ZNHIT6: variants seen among roughly 807,000 people sequenced by gnomAD.
ZNHIT6 encodes the protein box C/D snoRNA protein 1.
ZNHIT6 carries 45 observed loss-of-function variants against 57.2 expected under a neutral mutation model. That is an observed-to-expected ratio of 0.79 (90% confidence interval 0.62 to 1.01). The LOEUF (loss-of-function observed/expected upper bound fraction) is 1.01. ZNHIT6 is among the 50% of genes least tolerant of loss of function. ZNHIT6 has a pLI of 0.00. For missense variants in ZNHIT6, 528 were observed against 567.3 expected (o/e 0.93, Z 0.70); for synonymous variants, 188 against 190.0 (o/e 0.99, Z 0.09).
At chr1:85,677,134 C>A in intron 8 of ZNHIT6, 102 bp downstream of exon 8, 1 of 789,126 alleles carries the variant, frequency 1.3e-6, no homozygotes, top group South Asian at 2.6e-5. Context: ...AAGTCATGTT[C>A]ATAGCTAGAT....
Position 85,708,374 on chromosome 1 carries a change from C to G in ZNHIT6, c.-90G>C. Reference sequence around the variant, plus strand: ...GAGGAATTACCGGTCGGAATACCTACGGCGGCCCACGTGTGGAGCCAAGCA... The same window carrying G: ...GAGGAATTACCGGTCGGAATACCTAGGGCGGCCCACGTGTGGAGCCAAGCA... On this transcript the variant is annotated 5_prime_UTR_variant, in exon 1 of 10. Transcript: ENST00000370574. The G allele has an allele frequency of 6.8e-7, 1 of 1,475,008 alleles. No individual in the cohort carries two copies. Among genetic ancestry groups the G allele is most frequent in the Non-Finnish European group, 9.0e-7 (1 of 1,109,642 alleles). The allele number at this position is 1,475,008 out of a possible 1,614,324, so 91.4% of individuals were successfully genotyped here.
intron 8 of ZNHIT6, among the ~76,000 whole-genome samples, chr1:85,673,423 A>G (rs1334981374): frequency 6.6e-6 from 1 of 152,216 alleles, no homozygotes; most frequent in Non-Finnish European, 1.5e-5. Context: ...TGGCAAAGCT[A>G]AAACCTGGAA....
At chr1:85,704,625 G>A (rs1463560163) in intron 4 of ZNHIT6, among the ~76,000 whole-genome samples, 1 of 151,914 alleles carries the variant, frequency 6.6e-6, no homozygotes, top group Non-Finnish European at 1.5e-5. Flanking sequence ...AAAAAAAATT[G>A]TAAAGTAATT....
At chr1:85,666,637 G>A (rs1248219825) in intron 8 of ZNHIT6, among the ~76,000 whole-genome samples, 1 of 151,980 alleles carries the variant, frequency 6.6e-6, no homozygotes, top group East Asian at 1.9e-4. Flanking sequence ...CCAACTAGCT[G>A]AGCTTCAGCT....
At chr1:85,674,493 C>A (rs1444236784) in intron 8 of ZNHIT6, among the ~76,000 whole-genome samples, 2 of 152,112 alleles carry the variant, frequency 1.3e-5, no homozygotes, top group African/African-American at 4.8e-5. Flanking sequence ...GTCAACACCA[C>A]TTACTTTTTA....
intron 8 of ZNHIT6, among the ~76,000 whole-genome samples, chr1:85,661,407 C>T (rs532079645): frequency 4.7e-4 from 72 of 152,274 alleles, no homozygotes; most frequent in Admixed American, 1.6e-3. Context: ...AAACTGCTCA[C>T]TCATTTATTT....
In ZNHIT6 at chr1:85,674,709, T is replaced by C. The variant is rs569973887; in HGVS notation, c.1247+2527A>G. Reference sequence around the variant, plus strand: ...TCAGTTCCTTTCTTGCCATGTGCCATATTTTATCTAATTAGTTCATTTAAA... The same window carrying C: ...TCAGTTCCTTTCTTGCCATGTGCCACATTTTATCTAATTAGTTCATTTAAA... On this transcript the variant is annotated intron_variant, in intron 8 of 9. Coordinates refer to ENST00000370574, the MANE Select transcript of ZNHIT6 (RefSeq NM_017953.4). Among the ~76,000 whole-genome samples the C allele has an allele frequency of 7.2e-5, 11 of 152,304 alleles. No homozygotes were observed. In the South Asian group the frequency reaches 2.3e-3, roughly 32 times the overall value.
Position 85,653,341 on chromosome 1 carries a change from G to C in ZNHIT6, c.*717C>G, listed in dbSNP as rs1351793075. 2.0e-5 allele frequency: 3 copies of C among 152,194 alleles called. No individual in the cohort carries two copies. Among genetic ancestry groups the C allele is most frequent in the Non-Finnish European group, 4.4e-5 (3 of 68,054 alleles). The allele number at this position is 152,194 out of a possible 1,614,324, so 9.4% of individuals were successfully genotyped here. A position where few individuals can be genotyped will look rare whatever the true frequency, so the allele number is the denominator to read the frequency against. ...AAAGAAGAAAGGGCAACTGATAGAA[G>C]ATTAGTTCTCCTGTGGCTAGACGGT... On this transcript the variant is annotated 3_prime_UTR_variant, in exon 10 of 10. Transcript: ENST00000370574.
chr1:85,707,791 T>C lies in ZNHIT6; in HGVS notation c.494A>G (p.Glu165Gly). The change falls in exon 1 of 10, where the codon GAG (glutamate) becomes GGG (glycine). Residue 165 changes from glutamate to glycine, a missense_variant. Physicochemically the swap from Glu to Gly is moderately conservative, Grantham distance 98. Transcript: ENST00000370574. ...EKDNLEIKQE[E>G]KFVGQCIKEE... ...TTTTATGCATTGACCAACAAACTTC[T>C]CCTCCTGTTTTATCTCCAAGTTATC... 1 of 1,613,994 alleles carries C rather than the reference T, an allele frequency of 6.2e-7. No individual in the cohort carries two copies. Among genetic ancestry groups the C allele is most frequent in the Non-Finnish European group, 8.5e-7 (1 of 1,179,940 alleles).
intron 5 of ZNHIT6, among the ~76,000 whole-genome samples, chr1:85,682,802 C>T (rs112439670): frequency 3.9e-5 from 6 of 152,102 alleles, no homozygotes; most frequent in African/African-American, 4.8e-5. Context: ...TACAAATTGC[C>T]GTATTTTTGA....
intron 8 of ZNHIT6, among the ~76,000 whole-genome samples, chr1:85,661,430 C>T (rs796789551): frequency 2.0e-5 from 3 of 152,202 alleles, no homozygotes; most frequent in South Asian, 4.1e-4. Flanking sequence ...GCCCTAAGCA[C>T]ATGTGTTTGT....
At chr1:85,654,335 A>T (rs1262880654) in intron 9 of ZNHIT6, among the ~76,000 whole-genome samples, 1 of 152,200 alleles carries the variant, frequency 6.6e-6, no homozygotes, top group Non-Finnish European at 1.5e-5. Context: ...ACTCTGTGGA[A>T]GACTTAGGAA....
rs1362434156 is a variant in ZNHIT6 at position 85,707,892 on chromosome 1, C to G, written c.393G>C (p.Lys131Asn). Residue 131 changes from lysine (K) to asparagine (N), a missense_variant, in exon 1 of 10, where the codon AAG becomes AAC. By Grantham distance (94) the Lys-to-Asn change is moderately conservative. Coordinates refer to ENST00000370574, the MANE Select transcript of ZNHIT6 (RefSeq NM_017953.4). The stretch of plus-strand genomic sequence containing the variant: ...CTTCCTTTACCTCTGGTTCACCCAC[C>G]TTCGCTTCTTTTACCACTAAACTAC... Reference protein sequence around the residue: ...TDSSLVVKEAKVGEPEVKEEK... With the variant: ...TDSSLVVKEANVGEPEVKEEK... The G allele has an allele frequency of 6.2e-7, 1 of 1,614,028 alleles. No individual in the cohort carries two copies. The highest frequency in any genetic ancestry group is 1.7e-5 in the Admixed American group (1 of 59,996).
chr1:85,663,836 G>T (rs1463195342), intron 8 of ZNHIT6, among the ~76,000 whole-genome samples: 1 of 152,124 alleles, frequency 6.6e-6, no homozygotes, highest in African/African-American at 2.4e-5. Flanking sequence ...CCTGGTTGAA[G>T]ATTTTTTTCT....
At chr1:85,690,206 A>G (rs915026180) in intron 5 of ZNHIT6, among the ~76,000 whole-genome samples, 5 of 152,144 alleles carry the variant, frequency 3.3e-5, no homozygotes, top group African/African-American at 1.2e-4. Context: ...CACTCGTACG[A>G]ACAGGAAGAT....
At position 85,706,322 on chromosome 1, in the gene ZNHIT6, C is replaced by A; in HGVS notation, c.756G>T (p.Leu252=). 6.2e-7 allele frequency: 1 copy of A among 1,613,756 alleles called. No homozygotes were observed. The highest frequency in any genetic ancestry group is 1.1e-5 in the South Asian group (1 of 90,998). The change falls in exon 3 of 10, where the codon CTG becomes CTT. Residue 252 remains leucine (L), a synonymous_variant. Transcript: ENST00000370574. ...TTTTATCTCGAACTCCATTACATGT[C>A]AGTTCTGCTTTGTGTTTCTTTACAC... The part of the protein sequence containing the change: ...LPCVKKHKAE[L]TCNGVRDKTA...
rs1489618040 is a variant in ZNHIT6 at position 85,650,415 on chromosome 1, A to C, written c.*3643T>G. The C allele has an allele frequency of 2.0e-5, 3 of 152,226 alleles. No homozygotes were observed. The highest frequency in any genetic ancestry group is 4.4e-5 in the Non-Finnish European group (3 of 68,044). 9.4% of individuals were successfully genotyped at this position (152,226 alleles called of 1,614,324 possible). A position where few individuals can be genotyped will look rare whatever the true frequency, so the allele number is the denominator to read the frequency against. The stretch of plus-strand genomic sequence containing the variant: ...ATGACTGCTTTTGACGTTTGGACCC[A>C]GGACCCAGTCATTGCCTGGACTTCC... On this transcript the variant is annotated 3_prime_UTR_variant, in exon 10 of 10. Transcript: ENST00000370574.
chr1:85,707,908 A>C lies in ZNHIT6; in HGVS notation c.377T>G (p.Val126Gly). ...TTCACCCACCTTCGCTTCTTTTACC[A>C]CTAAACTACTATCCGTCTCCTGCTT... Reference protein sequence around the residue: ...EVKQETDSSLVVKEAKVGEPE... With the variant: ...EVKQETDSSLGVKEAKVGEPE... The change falls in exon 1 of 10, where the codon GTG becomes GGG. Residue 126 changes from valine (V) to glycine (G), a missense_variant. Transcript: ENST00000370574. The C allele has an allele frequency of 6.2e-7, 1 of 1,613,250 alleles. No individual in the cohort carries two copies. The highest frequency in any genetic ancestry group is 8.5e-7 in the Non-Finnish European group (1 of 1,179,874).
intron 7 of ZNHIT6, among the ~76,000 whole-genome samples, chr1:85,678,005 C>G (rs1570306384): frequency 1.4e-5 from 2 of 138,874 alleles, no homozygotes; most frequent in East Asian, 4.8e-4. Flanking sequence ...TGTAACAACC[C>G]TATCTAGGAA....
Sources: gnomAD v4.1 joint callset for allele counts (sites outside exome capture counted in the v4.1 genomes callset) on GRCh38, gnomAD v4.1.1 for gene constraint, MANE v1.5 for transcripts, NCBI Gene and HGNC (gene_info 2026-07-23, HGNC 2026-07-21) for gene names.